The following SGCZ variants were observed in gnomAD, a reference collection of about 807,000 sequenced individuals.
SGCZ encodes zeta-sarcoglycan.
In SGCZ, 40 loss-of-function variants were observed where a neutral mutation model predicts 41.3. The ratio of observed to expected loss-of-function variants is 0.97; its 90% CI spans 0.75 to 1.26. SGCZ has a LOEUF of 1.26. SGCZ is among the 50% of genes most tolerant of loss of function. SGCZ has a pLI of 0.00. For missense variants in SGCZ, 552 were observed against 369.8 expected (o/e 1.49, Z -4.04); for synonymous variants, 206 against 137.5 (o/e 1.50, Z -3.49).
At chr8:14,736,231 T>C (rs1363643923) in intron 1 of SGCZ, among the ~76,000 whole-genome samples, 1 of 152,108 alleles carries the variant, frequency 6.6e-6, no homozygotes, top group Non-Finnish European at 1.5e-5. Context: ...TTCTTCTGAT[T>C]TCAAAATCTC....
chr8:14,183,443 G>C (rs1031828050), intron 4 of SGCZ, among the ~76,000 whole-genome samples: 14 of 152,040 alleles, frequency 9.2e-5, no homozygotes, highest in African/African-American at 3.4e-4. Context: ...AACAGAGATA[G>C]TACATGAAAT....
intron 1 of SGCZ, among the ~76,000 whole-genome samples, chr8:14,595,998 G>A (rs1025897350): frequency 2.6e-5 from 4 of 152,316 alleles, no homozygotes; most frequent in African/African-American, 9.6e-5. Flanking sequence ...GAAACAGGCA[G>A]CTGTTGGTCC....
Position 14,316,141 on chromosome 8 carries a change from A to G in SGCZ, c.336+7962T>C, listed in dbSNP as rs10107053. On this transcript the variant is annotated intron_variant, in intron 3 of 7. Coordinates refer to ENST00000382080, the MANE Select transcript of SGCZ (RefSeq NM_139167.4). ...AGAACAAGTAATCCTATGTTATTAA[A>G]ATTGATGTAATGTATAGGACCAAAC... Among the ~76,000 whole-genome samples the G allele has an allele frequency of 1.9e-3, 284 of 152,098 alleles. 1 individual carries two copies. Among genetic ancestry groups the G allele is most frequent in the African/African-American group, 6.3e-3 (261 of 41,556 alleles).
At chr8:15,176,367 C>T (rs1800001413) in intron 1 of SGCZ, among the ~76,000 whole-genome samples, 1 of 152,094 alleles carries the variant, frequency 6.6e-6, no homozygotes, top group East Asian at 1.9e-4. Context: ...GAAACAATTT[C>T]TCATTCAATA....
At chr8:14,399,349 G>C (rs1355501230) in intron 2 of SGCZ, among the ~76,000 whole-genome samples, 3 of 152,060 alleles carry the variant, frequency 2.0e-5, no homozygotes, top group African/African-American at 7.2e-5. Flanking sequence ...AGTAGAATCT[G>C]ACAGGCCTGG....
In SGCZ at chr8:14,237,673, G is replaced by A; in HGVS notation, c.343C>T (p.Pro115Ser). Reference protein sequence around the residue: ...VKEIHSRKDSPLVLQSDRNVT... With the variant: ...VKEIHSRKDSSLVLQSDRNVT... The stretch of plus-strand genomic sequence containing the variant: ...TTCCTGTCAGACTGTAAGACCAGCG[G>A]ACTATCCTGGGAAACATGTATAAAA... The change falls in exon 4 of 8, where the codon CCG becomes TCG. Residue 115 changes from proline (P) to serine (S), a missense_variant. Physicochemically the swap from Pro to Ser is moderately conservative, Grantham distance 74. Transcript: ENST00000382080. 1 of 1,613,298 alleles carries A rather than the reference G, an allele frequency of 6.2e-7. No homozygotes were observed. The highest frequency in any genetic ancestry group is 8.5e-7 in the Non-Finnish European group (1 of 1,179,522).
intron 1 of SGCZ, among the ~76,000 whole-genome samples, chr8:14,664,475 A>C (rs1807845017): frequency 6.6e-6 from 1 of 152,200 alleles, no homozygotes; most frequent in African/African-American, 2.4e-5. Flanking sequence ...TGTTTAGCAG[A>C]GTATATAGGA....
chr8:14,637,802 G>T (rs894409073), intron 1 of SGCZ, among the ~76,000 whole-genome samples: 6 of 151,704 alleles, frequency 4.0e-5, no homozygotes, highest in African/African-American at 1.5e-4. Flanking sequence ...TATCTTTTTG[G>T]TGGAACAATT....
At chr8:14,865,522 G>T (rs1803899691) in intron 1 of SGCZ, among the ~76,000 whole-genome samples, 1 of 152,090 alleles carries the variant, frequency 6.6e-6, no homozygotes, top group African/African-American at 2.4e-5. Context: ...TCACCTGAAG[G>T]AAGCGTGGGG....
chr8:14,888,013 G>A (rs1385031793), intron 1 of SGCZ, among the ~76,000 whole-genome samples: 5 of 152,108 alleles, frequency 3.3e-5, no homozygotes, highest in Admixed American at 2.0e-4. Context: ...TGATAGATGT[G>A]TTGATTAGCT....
intron 5 of SGCZ, among the ~76,000 whole-genome samples, chr8:14,137,552 T>C (rs1271876670): frequency 6.6e-6 from 1 of 152,076 alleles, no homozygotes; most frequent in African/African-American, 2.4e-5. Flanking sequence ...CTGTAGATGA[T>C]TCAATCAAGT....
intron 1 of SGCZ, among the ~76,000 whole-genome samples, chr8:14,922,938 T>A (rs965761187): frequency 6.6e-6 from 1 of 152,226 alleles, no homozygotes; most frequent in Non-Finnish European, 1.5e-5. Context: ...CATTTTCTCA[T>A]AAAGTTTTCT....
chr8:14,892,113 T>C (rs1176180237), intron 1 of SGCZ, among the ~76,000 whole-genome samples: 2 of 152,200 alleles, frequency 1.3e-5, no homozygotes, highest in Non-Finnish European at 2.9e-5. Flanking sequence ...TTATTACGTA[T>C]GTAGTTGTAC....
chr8:14,335,229 C>T (rs1010814493), intron 2 of SGCZ, among the ~76,000 whole-genome samples: 5 of 152,094 alleles, frequency 3.3e-5, no homozygotes, highest in Non-Finnish European at 5.9e-5. Flanking sequence ...AAAGAAGTCC[C>T]TTGGAGTTTT....
chr8:14,994,303 G>C (rs1259156673), intron 1 of SGCZ, among the ~76,000 whole-genome samples: 1 of 152,124 alleles, frequency 6.6e-6, no homozygotes, highest in East Asian at 1.9e-4. Flanking sequence ...GCATGAGGGG[G>C]CTGGGCATGG....
At chr8:14,392,143 A>G (rs1804800622) in intron 2 of SGCZ, among the ~76,000 whole-genome samples, 1 of 152,078 alleles carries the variant, frequency 6.6e-6, no homozygotes, top group Non-Finnish European at 1.5e-5. Context: ...CAGATAAATC[A>G]CAAAAAAAAT....
intron 2 of SGCZ, among the ~76,000 whole-genome samples, chr8:14,479,407 A>G (rs73188289): frequency 0.021 from 3,156 of 152,232 alleles, 46 homozygotes; most frequent in Middle Eastern, 0.058. Flanking sequence ...AGCTGATTAG[A>G]TGGTGCTCAC....
chr8:14,752,560 C>G (rs541193654), intron 1 of SGCZ, among the ~76,000 whole-genome samples: 31 of 152,184 alleles, frequency 2.0e-4, no homozygotes, highest in African/African-American at 7.5e-4. Flanking sequence ...TGTGACAGTA[C>G]GCACTCTCCT....
chr8:14,260,918 A>C (rs1799640631), intron 3 of SGCZ, among the ~76,000 whole-genome samples: 1 of 152,118 alleles, frequency 6.6e-6, no homozygotes, highest in Admixed American at 6.5e-5. Context: ...GGACACAGGA[A>C]GGGGAATATC....
Sources: allele counts gnomAD v4.1 joint callset (sites outside exome capture counted in the v4.1 genomes callset), GRCh38; gene constraint gnomAD v4.1.1; transcripts MANE v1.5; gene names NCBI Gene and HGNC (gene_info 2026-07-23, HGNC 2026-07-21).